MCF2L: variants seen among roughly 807,000 people sequenced by gnomAD.
The protein encoded by MCF2L is guanine nucleotide exchange factor DBS.
A neutral mutation model predicts 153.4 loss-of-function variants in MCF2L; 97 were observed. The ratio of observed to expected loss-of-function variants is 0.63; its 90% CI spans 0.54 to 0.75. The LOEUF is 0.75. MCF2L is among the 30% of genes least tolerant of loss of function. The pLI is 0.00. For synonymous variants in MCF2L, 659 were observed against 632.2 expected (o/e 1.04, Z -0.64); for missense variants, 1,347 against 1,495.2 (o/e 0.90, Z 1.64).
chr13:113,047,820 AC>A (rs1225936601), intron 4 of MCF2L, among the ~76,000 whole-genome samples: 1 of 116,488 alleles, frequency 8.6e-6, no homozygotes. Context: ...CTCTGCTCAC[AC>A]CTCGCTACGC....
At position 113,070,203 on chromosome 13, in the gene MCF2L, G is replaced by C; in HGVS notation, c.996+30G>C. 6.8e-7 allele frequency: 1 copy of C among 1,461,452 alleles called. No homozygotes were observed. The allele number at this position is 1,461,452 out of a possible 1,614,324, so 90.5% of individuals were successfully genotyped here. A position where few individuals can be genotyped will look rare whatever the true frequency, so the allele number is the denominator to read the frequency against. Reference sequence around the variant, plus strand: ...GTGGCCCTGGGTGGAGCCGGCAGCCGCCCTGATGCTCACGGGGCCTCCTGT... The same window carrying C: ...GTGGCCCTGGGTGGAGCCGGCAGCCCCCCTGATGCTCACGGGGCCTCCTGT... On this transcript the variant is annotated intron_variant, in intron 9 of 29. Transcript: ENST00000535094. This position sits in a 1 kb window ranked among gnomAD's most constrained non-coding sequence, Gnocchi z 5.6.
chr13:112,984,389 C>T (rs752150848), intron 1 of MCF2L, among the ~76,000 whole-genome samples: 7 of 152,150 alleles, frequency 4.6e-5, no homozygotes, highest in South Asian at 2.1e-4. Context: ...TATGTGCCAC[C>T]GCACCTGGCT....
intron 1 of MCF2L, 119 bp from the exon 2 acceptor site, chr13:113,014,644 C>T (rs534506531): frequency 2.5e-5 from 18 of 726,100 alleles, no homozygotes; most frequent in East Asian, 7.8e-5. Context: ...TTTCCAGCCA[C>T]GTGACGCCAC....
At chr13:112,994,643 G>A (rs965762617) in intron 1 of MCF2L, among the ~76,000 whole-genome samples, 6 of 152,246 alleles carry the variant, frequency 3.9e-5, no homozygotes, top group Non-Finnish European at 8.8e-5. Context: ...GAGCCGGGAA[G>A]CCTGCGGTGA....
rs2034494664 is a variant in MCF2L at position 113,084,960 on chromosome 13, G to A, written c.2130G>A (p.Gln710=). ...CCCGCTCTGAGAGCCTGTGGAGACAGTGCTCCGACTGCCCGTTTTTCCAGG... is the reference window on the plus strand; with the variant it reads ...CCCGCTCTGAGAGCCTGTGGAGACAATGCTCCGACTGCCCGTTTTTCCAGG... ...NKPRSESLWR[Q]CSDCPFFQEC... is the part of the protein sequence containing the mutation. Residue 710 remains glutamine (Q), a synonymous_variant, in exon 19 of 30, where the codon CAG becomes CAA. Transcript: ENST00000535094. The A allele has an allele frequency of 6.2e-7, 1 of 1,613,934 alleles. No homozygotes were observed. Among genetic ancestry groups the A allele is most frequent in the African/African-American group, 1.3e-5 (1 of 74,940 alleles).
intron 13 of MCF2L, among the ~76,000 whole-genome samples, 164 bp downstream of exon 13, chr13:113,077,375 G>T (rs1195522142): frequency 6.6e-6 from 1 of 152,192 alleles, no homozygotes; most frequent in Non-Finnish European, 1.5e-5. Flanking sequence ...GCCGGTTCCC[G>T]CCACCCCTCA....
At chr13:112,953,582 C>T (rs2081720539) in intron 2 of MCF2L, among the ~76,000 whole-genome samples, 1 of 152,224 alleles carries the variant, frequency 6.6e-6, no homozygotes, top group Non-Finnish European at 1.5e-5. Flanking sequence ...AGGCAGAAAG[C>T]AGGGGTGGGA....
rs1566663207 is a variant in MCF2L at position 112,962,184 on chromosome 13, C to CACAT, written c.170-52579_170-52578insACAT. Among the ~76,000 whole-genome samples the CACAT allele has an allele frequency of 1.2e-3, 183 of 151,036 alleles. 1 individual carries two copies. Among genetic ancestry groups the CACAT allele is most frequent in the African/African-American group, 4.4e-3 (177 of 40,656 alleles). On this transcript the variant is annotated intron_variant, in intron 2 of 29. Transcript: ENST00000375608. Reference sequence around the variant, plus strand: ...CTGTGCATGCACAGATGCACACACACGCATGCACAAACATGCTCACACACT... The same window carrying CACAT: ...CTGTGCATGCACAGATGCACACACACACATGCATGCACAAACATGCTCACACACT...
At chr13:113,069,426 T>A (rs2032622576) in intron 8 of MCF2L, among the ~76,000 whole-genome samples, 1 of 46,168 alleles carries the variant, frequency 2.2e-5, no homozygotes, top group Non-Finnish European at 3.9e-5. Flanking sequence ...TGCACCTGGG[T>A]GGTGCACAGC....
intron 11 of MCF2L, 38 bp downstream of exon 11, chr13:113,075,227 T>G: frequency 6.5e-7 from 1 of 1,539,392 alleles, no homozygotes. Flanking sequence ...CCCCCCCAGC[T>G]GCGGAACCAG....
Position 113,054,990 on chromosome 13 carries a change from C to T in MCF2L, c.370-5603C>T, listed in dbSNP as rs994327649. On this transcript the variant is annotated intron_variant, in intron 4 of 29. Coordinates refer to ENST00000535094, the MANE Select transcript of MCF2L (RefSeq NM_001112732.3). This position sits in a 1 kb window ranked among gnomAD's most constrained non-coding sequence, Gnocchi z 5.2. ...AGTAATTTACAAAAAGACTTGACAG[C>T]CTCCATCCCAAATTCTTCATCCAGT... 2 of 152,200 alleles carry T rather than the reference C, an allele frequency of 1.3e-5. No individual in the cohort carries two copies. Among genetic ancestry groups the T allele is most frequent in the African/African-American group, 4.8e-5 (2 of 41,448 alleles). 9.4% of individuals were successfully genotyped at this position (152,200 alleles called of 1,614,324 possible).
intron 1 of MCF2L, among the ~76,000 whole-genome samples, chr13:112,899,241 G>A (rs2081097722): frequency 6.6e-6 from 1 of 152,222 alleles, no homozygotes; most frequent in South Asian, 2.1e-4. Context: ...GTGTGTGTGC[G>A]AGGCGCCTCG....
chr13:112,953,729 C>T (rs929524944), intron 2 of MCF2L, among the ~76,000 whole-genome samples: 2 of 152,222 alleles, frequency 1.3e-5, no homozygotes, highest in Non-Finnish European at 2.9e-5. Flanking sequence ...CTTGGTCCTG[C>T]GTCAGAGCCC....
At chr13:112,997,136 C>A (rs1394210261) in intron 1 of MCF2L, among the ~76,000 whole-genome samples, 5 of 152,250 alleles carry the variant, frequency 3.3e-5, no homozygotes, top group African/African-American at 1.2e-4. Flanking sequence ...GGGAGAGCAA[C>A]TTCCCAGCTC....
At chr13:112,954,673 G>A (rs1203917261) in intron 2 of MCF2L, among the ~76,000 whole-genome samples, 1 of 152,082 alleles carries the variant, frequency 6.6e-6, no homozygotes, top group Non-Finnish European at 1.5e-5. Context: ...CAGCCCCAGT[G>A]GCTCTAACCT....
rs1417218207 is a variant in MCF2L at position 113,096,396 on chromosome 13, C to A, written c.3101C>A (p.Ala1034Glu). ...GTTCCAGGTAAATACACGGTCGTGG[C>A]GGACCACGAGAAGGGAGGCCCCGAT... ...KLVPGKYTVV[A>E]DHEKGGPDAL... Residue 1034 changes from alanine (A) to glutamate (E), a missense_variant, in exon 28 of 30, where the codon GCG (alanine) becomes GAG (glutamate). Physicochemically the swap from Ala to Glu is moderately radical, Grantham distance 107. Coordinates refer to ENST00000535094, the MANE Select transcript of MCF2L (RefSeq NM_001112732.3). The A allele has an allele frequency of 1.3e-6, 2 of 1,589,060 alleles. No homozygotes were observed. Among genetic ancestry groups the A allele is most frequent in the South Asian group, 1.1e-5 (1 of 87,106 alleles).
intron 2 of MCF2L, chr13:112,909,117 A>G (rs961201548): frequency 1.4e-6 from 1 of 726,230 alleles, no homozygotes; most frequent in Non-Finnish European, 2.6e-6. Context: ...CACTGCAAAG[A>G]AATTCTCTCC....
intron 2 of MCF2L, among the ~76,000 whole-genome samples, chr13:113,023,302 A>C (rs2085015120): frequency 6.6e-6 from 1 of 152,204 alleles, no homozygotes; most frequent in Non-Finnish European, 1.5e-5. Context: ...GTCATGTCCC[A>C]TTGAGGGGTG....
At chr13:113,059,173 C>G (rs2141740106) in intron 4 of MCF2L, among the ~76,000 whole-genome samples, 1 of 152,340 alleles carries the variant, frequency 6.6e-6, no homozygotes, top group South Asian at 2.1e-4. Context: ...TCTAGAATTC[C>G]CGCCTGAGAT....
Sources: gnomAD v4.1 joint callset for allele counts (sites outside exome capture counted in the v4.1 genomes callset) on GRCh38, gnomAD v4.1.1 for gene constraint, Gnocchi (gnomAD v3.1) non-coding constraint, MANE v1.5 for transcripts, NCBI Gene and HGNC (gene_info 2026-07-23, HGNC 2026-07-21) for gene names.